Variants in CUEDC1 observed in about 807,000 individuals in gnomAD.
CUEDC1 encodes the protein CUE domain containing 1.
A neutral mutation model predicts 43.7 loss-of-function variants in CUEDC1; 30 were observed. That is an observed-to-expected ratio of 0.69 (90% CI 0.51 to 0.93). The LOEUF is 0.93. Among genes scored for constraint, CUEDC1 ranks in the 40% least tolerant of loss-of-function variants. The probability of loss-of-function intolerance (pLI) is 0.00; values close to 1 mark genes in which losing one functional copy is unlikely to be tolerated. For synonymous variants in CUEDC1, 223 were observed against 223.6 expected (o/e 1.00, Z 0.02); for missense variants, 486 against 549.0 (o/e 0.89, Z 1.15).
At chr17:57,909,200 C>T (rs186697086) in intron 1 of CUEDC1, among the ~76,000 whole-genome samples, 7 of 152,140 alleles carry the variant, frequency 4.6e-5, no homozygotes, top group African/African-American at 1.7e-4. Context: ...GGTTTCACCA[C>T]GTTGGCCAGG....
chr17:57,949,604 GC>G (rs1202074172), intron 1 of CUEDC1, among the ~76,000 whole-genome samples: 2 of 110,974 alleles, frequency 1.8e-5, no homozygotes, highest in African/African-American at 7.3e-5. Context: ...GTAGGGTCTT[GC>G]TCTGACACCC....
chr17:57,879,117 G>A (rs994940818), intron 3 of CUEDC1, among the ~76,000 whole-genome samples: 1 of 152,178 alleles, frequency 6.6e-6, no homozygotes, highest in Non-Finnish European at 1.5e-5. Context: ...AATATCCCTA[G>A]CCCAAGGATG....
At chr17:57,938,959 CCTTT>C (rs2074888663) in intron 1 of CUEDC1, among the ~76,000 whole-genome samples, 2 of 111,680 alleles carry the variant, frequency 1.8e-5, no homozygotes, top group Admixed American at 2.4e-4. Context: ...CCGTGCCCAG[CCTTT>C]TTTTTTTTTT....
chr17:57,910,275 A>G (rs1226896989), intron 1 of CUEDC1, among the ~76,000 whole-genome samples: 1 of 151,670 alleles, frequency 6.6e-6, no homozygotes. Flanking sequence ...AACCTCAGTG[A>G]CCTCCCCTGC....
chr17:57,901,425 C>T (rs2074470911), intron 1 of CUEDC1, among the ~76,000 whole-genome samples: 1 of 152,232 alleles, frequency 6.6e-6, no homozygotes, highest in Non-Finnish European at 1.5e-5. Context: ...TTACCTCTGG[C>T]TCTAGGCCCT....
chr17:57,908,994 C>CA (rs532199539), intron 1 of CUEDC1, among the ~76,000 whole-genome samples: 75 of 144,476 alleles, frequency 5.2e-4, no homozygotes, highest in African/African-American at 1.6e-3. Flanking sequence ...GAGACTGTCT[C>CA]AAAAAAAAAA....
chr17:57,906,599 G>A (rs546841397), intron 1 of CUEDC1, among the ~76,000 whole-genome samples: 150 of 152,294 alleles, frequency 9.8e-4, no homozygotes, highest in African/African-American at 3.5e-3. Flanking sequence ...CTTAAAAATG[G>A]TTAAAATGGT....
intron 1 of CUEDC1, among the ~76,000 whole-genome samples, chr17:57,939,365 G>A (rs1171586596): frequency 1.3e-5 from 2 of 151,252 alleles, no homozygotes; most frequent in African/African-American, 2.4e-5. Context: ...CCTGGGCTCA[G>A]GTGATCCTCC....
chr17:57,896,171 A>C (rs1318240143), intron 1 of CUEDC1, among the ~76,000 whole-genome samples: 2 of 152,184 alleles, frequency 1.3e-5, no homozygotes, highest in Non-Finnish European at 2.9e-5. Context: ...CACACTTTGC[A>C]CCTACCTACT....
At position 57,932,159 on chromosome 17, in the gene CUEDC1, G is replaced by A. The variant is rs1054209451; in HGVS notation, c.-316+23066C>T. Among the ~76,000 whole-genome samples, 4 of 151,838 alleles carry A rather than the reference G, an allele frequency of 2.6e-5. No homozygotes were observed. The East Asian group carries it at 7.7e-4, about 29-fold the overall frequency. On this transcript the variant is annotated intron_variant, in intron 1 of 10. Transcript: ENST00000577830. ...TAGCTGGGTGTCGTGGTACATGCCT[G>A]TAATCCCAGCTACTCGGAAGGCTGA... is the stretch of plus-strand genomic sequence containing the variant.
In CUEDC1 at chr17:57,885,449, G is replaced by T; in HGVS notation, c.116C>A (p.Ala39Asp). 4 of 1,597,412 alleles carry T rather than the reference G, an allele frequency of 2.5e-6. No individual in the cohort carries two copies. Among genetic ancestry groups the T allele is most frequent in the Non-Finnish European group, 3.4e-6 (4 of 1,174,186 alleles). The change falls in exon 2 of 11, where the codon GCC becomes GAC. Residue 39 changes from alanine (A) to aspartate (D), a missense_variant. Transcript: ENST00000577830. ...APQELNNSRP[A>D]RQVRRLEFNQ... is the part of the protein sequence containing the mutation. Reference sequence around the variant, plus strand: ...GAACTCCAGGCGGCGCACCTGGCGGGCAGGCCGGCTGTTGTTGAGCTCCTG... The same window carrying T: ...GAACTCCAGGCGGCGCACCTGGCGGTCAGGCCGGCTGTTGTTGAGCTCCTG...
rs920546426 is a variant in CUEDC1, at chr17:57,885,549, G to A, written c.16C>T (p.Arg6Cys). 19 of 1,367,942 alleles carry A rather than the reference G, an allele frequency of 1.4e-5. No homozygotes were observed. Among genetic ancestry groups the A allele is most frequent in the Non-Finnish European group, 1.8e-5 (19 of 1,067,606 alleles). 84.7% of individuals were successfully genotyped at this position (1,367,942 alleles called of 1,614,324 possible). ...CCGCCGCTGCCGCTGCTGCTCCGGC[G>A]GAACAGGCTGGTCATTTTGCGGAGC... MTSLFRRSSSGSGGGG... is the reference protein window; with the variant it reads MTSLFCRSSSGSGGGG... The change falls in exon 2 of 11, where the codon CGC (arginine) becomes TGC (cysteine). Residue 6 changes from arginine to cysteine, a missense_variant. Physicochemically the swap from Arg to Cys is radical, Grantham distance 180. Coordinates refer to ENST00000577830, the MANE Select transcript of CUEDC1 (RefSeq NM_001271875.2).
chr17:57,891,831 C>A lies in CUEDC1; in HGVS notation c.-315-5952G>T, dbSNP rs72839908. Among the ~76,000 whole-genome samples, 533 of 152,324 alleles carry A rather than the reference C, an allele frequency of 3.5e-3. 1 individual carries two copies. The highest frequency in any genetic ancestry group is 5.8e-3 in the Non-Finnish European group (397 of 68,018). Reference sequence around the variant, plus strand: ...GGGAACAGAGTGGCAAGTCCACCCCCCAACATCCCAGTGTTCCTAACCCTT... The same window carrying A: ...GGGAACAGAGTGGCAAGTCCACCCCACAACATCCCAGTGTTCCTAACCCTT... On this transcript the variant is annotated intron_variant, in intron 1 of 10. Transcript: ENST00000577830.
intron 1 of CUEDC1, among the ~76,000 whole-genome samples, chr17:57,916,461 C>T (rs934317805): frequency 6.6e-6 from 1 of 152,158 alleles, no homozygotes; most frequent in African/African-American, 2.4e-5. Context: ...TCGATTTGCC[C>T]AAAGCAAAGG....
intron 1 of CUEDC1, among the ~76,000 whole-genome samples, chr17:57,902,697 C>T (rs768080894): frequency 3.9e-5 from 6 of 152,340 alleles, no homozygotes; most frequent in Non-Finnish European, 8.8e-5. Flanking sequence ...TTGTGCTTTA[C>T]GTGTGCACAG....
chr17:57,867,845 C>T (rs2073982110), intron 8 of CUEDC1, among the ~76,000 whole-genome samples: 1 of 152,176 alleles, frequency 6.6e-6, no homozygotes. Context: ...GATGGAAGAA[C>T]CACTTTTTCT....
chr17:57,951,695 G>A (rs551632760), intron 1 of CUEDC1, among the ~76,000 whole-genome samples: 1 of 152,164 alleles, frequency 6.6e-6, no homozygotes, highest in African/African-American at 2.4e-5. Context: ...CTGACCTCAG[G>A]TGATCCACCC....
At chr17:57,945,530 T>C (rs1315807630) in intron 1 of CUEDC1, among the ~76,000 whole-genome samples, 1 of 152,230 alleles carries the variant, frequency 6.6e-6, no homozygotes, top group Non-Finnish European at 1.5e-5. Flanking sequence ...GAAATCTCCT[T>C]ATGGCCATGC....
chr17:57,911,074 C>T (rs942632925), intron 1 of CUEDC1, among the ~76,000 whole-genome samples: 7 of 152,210 alleles, frequency 4.6e-5, no homozygotes, highest in Admixed American at 1.3e-4. Context: ...ACATCCCTCC[C>T]TCTGCATCAG....
Sources: allele counts gnomAD v4.1 joint callset (sites outside exome capture counted in the v4.1 genomes callset), GRCh38; gene constraint gnomAD v4.1.1; transcripts MANE v1.5; gene names NCBI Gene and HGNC (gene_info 2026-07-23, HGNC 2026-07-21).